The following KIRREL1 variants were observed in gnomAD, a reference collection of about 807,000 sequenced individuals.
The protein encoded by KIRREL1 is kin of IRRE-like protein 1.
Under a neutral mutation model 83.3 loss-of-function variants are expected in KIRREL1, and 25 were observed. The observed-to-expected ratio is 0.30, with a 90% CI of 0.22 to 0.42. KIRREL1 has a LOEUF of 0.42. Among genes scored for constraint, KIRREL1 ranks in the 10% least tolerant of loss-of-function variants. The pLI is 1.00. For missense variants in KIRREL1, 812 were observed against 1,032.3 expected, an observed-to-expected ratio of 0.79 and a Z score of 2.92; for synonymous variants, 388 against 410.4, an observed-to-expected ratio of 0.95 and a Z score of 0.66.
chr1:158,052,157 C>T (rs1318784595), intron 1 of KIRREL1, among the ~76,000 whole-genome samples: 1 of 152,152 alleles, frequency 6.6e-6, no homozygotes, highest in Admixed American at 6.5e-5. Context: ...ACCTACCTCC[C>T]TTACCCCATC....
chr1:158,008,187 G>A (rs1166084686), intron 1 of KIRREL1, among the ~76,000 whole-genome samples: 2 of 152,104 alleles, frequency 1.3e-5, no homozygotes, highest in Non-Finnish European at 2.9e-5. Context: ...GGAGAGAAGG[G>A]GAGAGTGGGA....
intron 1 of KIRREL1, among the ~76,000 whole-genome samples, chr1:158,009,656 A>T (rs1027974007): frequency 6.6e-6 from 1 of 152,202 alleles, no homozygotes; most frequent in Non-Finnish European, 1.5e-5. Context: ...GAGAAAAGTC[A>T]TGGCAGCCTG....
chr1:158,014,488 T>C (rs1659770614), intron 1 of KIRREL1, among the ~76,000 whole-genome samples: 1 of 152,070 alleles, frequency 6.6e-6, no homozygotes, highest in Non-Finnish European at 1.5e-5. Flanking sequence ...CGTCTTGCCT[T>C]CTTCTCCCAC....
At chr1:158,093,845 T>G in intron 13 of KIRREL1, 83 bp downstream of exon 13, 14 of 1,462,262 alleles carry the variant, frequency 9.6e-6, no homozygotes, top group Non-Finnish European at 1.3e-5. Context: ...ATAACCGCGG[T>G]CATTCTCTCC....
chr1:157,994,826 C>A (rs1659149297), intron 1 of KIRREL1, among the ~76,000 whole-genome samples: 1 of 152,128 alleles, frequency 6.6e-6, no homozygotes, highest in Non-Finnish European at 1.5e-5. Context: ...GAGACAGACA[C>A]ATATACACAA....
At chr1:158,019,410 TG>T (rs994292456) in intron 1 of KIRREL1, among the ~76,000 whole-genome samples, 2 of 152,158 alleles carry the variant, frequency 1.3e-5, no homozygotes, top group Non-Finnish European at 2.9e-5. Context: ...CACTCTAAGA[TG>T]GGCAAACGAA....
chr1:158,084,619 G>T, intron 4 of KIRREL1, 40 bp downstream of exon 4: 1 of 1,543,250 alleles, frequency 6.5e-7, no homozygotes, highest in South Asian at 1.2e-5. Context: ...CCTGGGCCTA[G>T]CCCAGCTCAC....
At position 158,060,835 on chromosome 1, in the gene KIRREL1, CA is replaced by C. The variant is rs1661197043; in HGVS notation, c.53-15277del. Among the ~76,000 whole-genome samples, 2 of 152,110 alleles carry C rather than the reference CA, an allele frequency of 1.3e-5. 1 individual carries two copies. The highest frequency in any genetic ancestry group is 4.2e-4 in the South Asian group (2 of 4,816). ...CTCATCTTATTCCAGGGTGAAACAG[CA>C]TGACTCCGGTGCCGTCTCCTAGCCC... On this transcript the variant is annotated intron_variant, in intron 1 of 14. Transcript: ENST00000359209.
intron 13 of KIRREL1, among the ~76,000 whole-genome samples, chr1:158,093,965 G>T (rs1662280681): frequency 6.6e-6 from 1 of 152,236 alleles, no homozygotes; most frequent in African/African-American, 2.4e-5. Context: ...AGGCAGCTGG[G>T]ATTGTCCAAA....
Position 158,086,638 on chromosome 1 carries a change from C to A in KIRREL1, c.553C>A (p.Leu185Met). ...DGKRETTVSQ[L>M]LINPTDLDIG... is the part of the protein sequence containing the mutation. Reference sequence around the variant, plus strand: ...GAAGAGGGAGACCACCGTGAGCCAACTGCTTATTAACCCCACGGACCTGGA... The same window carrying A: ...GAAGAGGGAGACCACCGTGAGCCAAATGCTTATTAACCCCACGGACCTGGA... Residue 185 changes from leucine (L) to methionine (M), a missense_variant, in exon 5 of 15, where the codon CTG becomes ATG. Leu to Met is a conservative substitution (Grantham distance 15, BLOSUM62 2). Coordinates refer to ENST00000359209, the MANE Select transcript of KIRREL1 (RefSeq NM_018240.7). 1 of 1,552,094 alleles carries A rather than the reference C, an allele frequency of 6.4e-7. No homozygotes were observed. Among genetic ancestry groups the A allele is most frequent in the Non-Finnish European group, 8.7e-7 (1 of 1,147,106 alleles).
chr1:158,014,315 CAAAGA>C (rs2101642006), intron 1 of KIRREL1, among the ~76,000 whole-genome samples: 1 of 151,870 alleles, frequency 6.6e-6, no homozygotes, highest in Non-Finnish European at 1.5e-5. Flanking sequence ...ATGGCAACAG[CAAAGA>C]AAAGAAGATA....
In KIRREL1 at chr1:158,096,519, G is replaced by A; in HGVS notation, c.*1399G>A. ...ACACTGTTAAGTGTTACAGTGTTAG[G>A]AGAGAGATGGGTGAGGGGACCTGGA... On this transcript the variant is annotated 3_prime_UTR_variant, in exon 15 of 15. Coordinates refer to ENST00000359209, the MANE Select transcript of KIRREL1 (RefSeq NM_018240.7). The A allele has an allele frequency of 2.2e-6, 1 of 455,502 alleles. No homozygotes were observed. The highest frequency in any genetic ancestry group is 4.4e-6 in the Non-Finnish European group (1 of 226,148). The allele number at this position is 455,502 out of a possible 1,614,324, so 28.2% of individuals were successfully genotyped here.
chr1:158,099,713 G>T lies in KIRREL1; in HGVS notation c.*4593G>T, dbSNP rs554877914. The T allele has an allele frequency of 8.5e-5, 13 of 152,192 alleles. No homozygotes were observed. The highest frequency in any genetic ancestry group is 3.4e-3 in the Middle Eastern group (1 of 294). The allele number at this position is 152,192 out of a possible 1,614,324, so 9.4% of individuals were successfully genotyped here. A position where few individuals can be genotyped will look rare whatever the true frequency, so the allele number is the denominator to read the frequency against. ...CCTGCCAGTCTGCTGTCCCTACCCT[G>T]GTTTTTTGCTGGCCCCAACCACTGG... On this transcript the variant is annotated 3_prime_UTR_variant, in exon 15 of 15. Transcript: ENST00000359209.
intron 1 of KIRREL1, among the ~76,000 whole-genome samples, chr1:158,061,519 G>T (rs1046923563): frequency 6.6e-6 from 1 of 152,148 alleles, no homozygotes; most frequent in African/African-American, 2.4e-5. Flanking sequence ...TGGATGTGGG[G>T]TATCCTCTTT....
chr1:158,042,581 A>C (rs990106442), intron 1 of KIRREL1, among the ~76,000 whole-genome samples: 1 of 152,120 alleles, frequency 6.6e-6, no homozygotes, highest in African/African-American at 2.4e-5. Flanking sequence ...AACACTAGCT[A>C]GTGTTTACAG....
chr1:157,993,763 T>A (rs1294046507), intron 1 of KIRREL1, 35 bp downstream of exon 1: 2 of 1,392,694 alleles, frequency 1.4e-6, no homozygotes, highest in Non-Finnish European at 1.9e-6. Flanking sequence ...GACGCTCGGC[T>A]TCCCCCCGGG....
At chr1:158,080,118 T>G (rs1056348373) in intron 3 of KIRREL1, among the ~76,000 whole-genome samples, 3 of 152,152 alleles carry the variant, frequency 2.0e-5, no homozygotes, top group African/African-American at 7.2e-5. Context: ...AGCCCCATGC[T>G]CAACCAAGTA....
intron 1 of KIRREL1, among the ~76,000 whole-genome samples, chr1:158,062,808 G>A (rs982730461): frequency 1.3e-5 from 2 of 152,320 alleles, no homozygotes; most frequent in African/African-American, 4.8e-5. Flanking sequence ...GACACACATG[G>A]CCCTGTGCAG....
chr1:158,043,087 CAAAAAAAAA>C, intron 1 of KIRREL1, among the ~76,000 whole-genome samples: 1 of 108,176 alleles, frequency 9.2e-6, no homozygotes, highest in Non-Finnish European at 1.8e-5. Context: ...GACTCCATCT[CAAAAAAAAA>C]AAAAAAAAGA....
Sources: allele counts gnomAD v4.1 joint callset (sites outside exome capture counted in the v4.1 genomes callset), GRCh38; gene constraint gnomAD v4.1.1; transcripts MANE v1.5; gene names NCBI Gene and HGNC (gene_info 2026-07-23, HGNC 2026-07-21).